THSD7A: variants seen among roughly 807,000 people sequenced by gnomAD.
THSD7A encodes thrombospondin type-1 domain-containing protein 7A.
A neutral mutation model predicts 231.3 loss-of-function variants in THSD7A; 96 were observed. That is an observed-to-expected ratio of 0.41 (90% confidence interval 0.35 to 0.49). The LOEUF (loss-of-function observed/expected upper bound fraction) is 0.49. Among genes scored for constraint, THSD7A ranks in the 20% least tolerant of loss-of-function variants. The pLI is 0.05. For missense variants in THSD7A, 2,290 were observed against 2,070.2 expected (o/e 1.11, Z -2.06); for synonymous variants, 940 against 743.3 (o/e 1.26, Z -4.30).
At chr7:11,735,700 A>G (rs1233395561) in intron 1 of THSD7A, among the ~76,000 whole-genome samples, 2 of 151,966 alleles carry the variant, frequency 1.3e-5, no homozygotes, top group Non-Finnish European at 2.9e-5. Context: ...TTTCTGTTTC[A>G]TCTAAATGTG....
Position 11,593,475 on chromosome 7 carries a change from C to G in THSD7A, c.1050G>C (p.Met350Ile), listed in dbSNP as rs370840609. The G allele has an allele frequency of 2.5e-6, 4 of 1,613,794 alleles. No individual in the cohort carries two copies. Among genetic ancestry groups the G allele is most frequent in the Non-Finnish European group, 3.4e-6 (4 of 1,179,844 alleles). Residue 350 changes from methionine to isoleucine, a missense_variant, in exon 3 of 28, where the codon ATG becomes ATC. Met to Ile is a conservative substitution (Grantham distance 10). Transcript: ENST00000423059. ...TGGTGATCACACAGGACTGGAAGGT[C>G]ATTGGAAGCTTCTCTTGCTGGCAAA... ...LSFCQQEKLP[M>I]TFQSCVITKE...
chr7:11,511,909 G>A (rs558980130), intron 6 of THSD7A, among the ~76,000 whole-genome samples: 1,560 of 152,236 alleles, frequency 0.01, 36 homozygotes, highest in African/African-American at 0.036. Context: ...AAAAGCAATG[G>A]CAACAAAAGC....
chr7:11,753,799 A>G (rs1213643809), intron 1 of THSD7A, among the ~76,000 whole-genome samples: 1 of 152,022 alleles, frequency 6.6e-6, no homozygotes, highest in Non-Finnish European at 1.5e-5. Flanking sequence ...ACAGAGAGAG[A>G]GAGAGAGACA....
chr7:11,669,931 A>T (rs1243392468), intron 1 of THSD7A, among the ~76,000 whole-genome samples: 1 of 151,870 alleles, frequency 6.6e-6, no homozygotes, highest in Non-Finnish European at 1.5e-5. Flanking sequence ...CCCTAATAAC[A>T]ACTCTCCCAA....
At chr7:11,475,597 CA>C (rs1376012263) in intron 7 of THSD7A, among the ~76,000 whole-genome samples, 3 of 147,582 alleles carry the variant, frequency 2.0e-5, no homozygotes, top group Admixed American at 6.8e-5. Flanking sequence ...ATGTATATAA[CA>C]TATATATAAC....
chr7:11,486,416 C>T (rs1051742988), intron 6 of THSD7A, among the ~76,000 whole-genome samples: 2 of 152,148 alleles, frequency 1.3e-5, no homozygotes, highest in African/African-American at 4.8e-5. Flanking sequence ...ATGGGAATTC[C>T]ACTTTTTCAT....
chr7:11,545,488 C>T lies in THSD7A; in HGVS notation c.1454-2371G>A, dbSNP rs186877253. On this transcript the variant is annotated intron_variant, in intron 4 of 27. Coordinates refer to ENST00000423059, the MANE Select transcript of THSD7A (RefSeq NM_015204.3). ...CCAAGTGACCAGACCATTAAGAAGA[C>T]CTGCACCCTCCAAGCAGATCTTCAG... Among the ~76,000 whole-genome samples the T allele has an allele frequency of 5.9e-5, 9 of 152,210 alleles. 1 individual carries two copies. The highest frequency in any genetic ancestry group is 2.2e-4 in the African/African-American group (9 of 41,518).
intron 1 of THSD7A, among the ~76,000 whole-genome samples, chr7:11,706,933 T>C (rs1311714249): frequency 6.6e-6 from 1 of 150,706 alleles, no homozygotes; most frequent in Admixed American, 6.6e-5. Context: ...CAGCTTGTTA[T>C]TTGTATTATC....
chr7:11,442,882 A>G (rs1031818195), intron 13 of THSD7A, among the ~76,000 whole-genome samples: 2 of 152,088 alleles, frequency 1.3e-5, no homozygotes, highest in Non-Finnish European at 2.9e-5. Context: ...ATCCCCACGA[A>G]GTCAATGTCA....
chr7:11,803,142 G>A (rs752844231), intron 1 of THSD7A, among the ~76,000 whole-genome samples: 4 of 152,084 alleles, frequency 2.6e-5, no homozygotes, highest in South Asian at 2.1e-4. Context: ...GGTGAAGGTG[G>A]GACTTTTTCA....
intron 7 of THSD7A, 78 bp downstream of exon 7, chr7:11,481,710 T>C (rs372291189): frequency 5.7e-6 from 8 of 1,398,488 alleles, no homozygotes; most frequent in Non-Finnish European, 7.7e-6. Context: ...TAGAATATCA[T>C]CTTTTCCAGG....
chr7:11,623,693 C>G (rs867927695), intron 2 of THSD7A, among the ~76,000 whole-genome samples: 7 of 152,080 alleles, frequency 4.6e-5, no homozygotes, highest in Non-Finnish European at 7.4e-5. Context: ...CAGGGTCAAA[C>G]CTAGAACATG....
At chr7:11,729,469 C>A (rs943588963) in intron 1 of THSD7A, among the ~76,000 whole-genome samples, 10 of 151,802 alleles carry the variant, frequency 6.6e-5, no homozygotes, top group Admixed American at 1.3e-4. Flanking sequence ...AGAAAGGCCC[C>A]AACTGCTACA....
At chr7:11,389,944 ACT>A (rs1267910576) in intron 23 of THSD7A, among the ~76,000 whole-genome samples, 1 of 151,766 alleles carries the variant, frequency 6.6e-6, no homozygotes, top group Admixed American at 6.6e-5. Context: ...ATGGGCCCCC[ACT>A]CTCTTCTGGC....
At chr7:11,654,167 C>T (rs1782619847) in intron 1 of THSD7A, among the ~76,000 whole-genome samples, 1 of 151,834 alleles carries the variant, frequency 6.6e-6, no homozygotes, top group Admixed American at 6.6e-5. Flanking sequence ...TAAATATAAT[C>T]TATACACTTC....
chr7:11,543,196 A>T lies in THSD7A; in HGVS notation c.1454-79T>A, dbSNP rs1233194266. On this transcript the variant is annotated intron_variant, in intron 4 of 27. Coordinates refer to ENST00000423059, the MANE Select transcript of THSD7A (RefSeq NM_015204.3). The stretch of plus-strand genomic sequence containing the variant: ...CCAACAATATGATTTTTCTGTGTGT[A>T]TGGAAAAGGAAAATCCTTAAAGAAG... The T allele has an allele frequency of 2.3e-6, 3 of 1,333,234 alleles. No homozygotes were observed. The African/African-American group carries it at 4.4e-5, about 20-fold the overall frequency. 82.6% of individuals were successfully genotyped at this position (1,333,234 alleles called of 1,614,324 possible). A position where few individuals can be genotyped will look rare whatever the true frequency, so the allele number is the denominator to read the frequency against.
At chr7:11,744,183 A>G (rs1782200045) in intron 1 of THSD7A, among the ~76,000 whole-genome samples, 1 of 151,898 alleles carries the variant, frequency 6.6e-6, no homozygotes, top group African/African-American at 2.4e-5. Flanking sequence ...TCTGCTAATG[A>G]CAGTCTAGAA....
At chr7:11,818,241 TAGAA>T (rs1784770081) in intron 1 of THSD7A, among the ~76,000 whole-genome samples, 1 of 152,190 alleles carries the variant, frequency 6.6e-6, no homozygotes, top group Admixed American at 6.5e-5. Flanking sequence ...ACAGAACAAT[TAGAA>T]AGCCCTGTAT....
At chr7:11,508,230 AAAG>A (rs1002112616) in intron 6 of THSD7A, among the ~76,000 whole-genome samples, 5 of 152,192 alleles carry the variant, frequency 3.3e-5, no homozygotes, top group Non-Finnish European at 5.9e-5. Flanking sequence ...AAAGAACCAA[AAAG>A]AATAACTGCA....
Sources: allele counts gnomAD v4.1 joint callset (sites outside exome capture counted in the v4.1 genomes callset), GRCh38; gene constraint gnomAD v4.1.1; transcripts MANE v1.5; gene names NCBI Gene and HGNC (gene_info 2026-07-23, HGNC 2026-07-21).